The following RELN variants were observed in gnomAD, a reference collection of about 807,000 sequenced individuals.
RELN encodes reelin.
RELN carries 108 observed loss-of-function variants against 427.6 expected under a neutral mutation model. That is an observed-to-expected ratio of 0.25 (90% CI 0.22 to 0.30). The LOEUF (loss-of-function observed/expected upper bound fraction) is 0.30, where lower values mean the gene tolerates loss of function less well. Ranked by LOEUF, RELN falls within the 10% of genes least tolerant of loss-of-function variation. RELN has a pLI of 1.00. For synonymous variants in RELN, 1,524 were observed against 1,513.4 expected (o/e 1.01, Z -0.16); for missense variants, 3,715 against 4,302.8 (o/e 0.86, Z 3.82).
At chr7:103,784,277 C>T (rs1350352209) in intron 3 of RELN, among the ~76,000 whole-genome samples, 1 of 152,068 alleles carries the variant, frequency 6.6e-6, no homozygotes, top group African/African-American at 2.4e-5. Context: ...ACTTTAATTT[C>T]CAGGAATATG....
chr7:103,777,108 AG>A (rs1348287036), intron 3 of RELN, among the ~76,000 whole-genome samples: 5 of 152,204 alleles, frequency 3.3e-5, no homozygotes, highest in African/African-American at 1.2e-4. Context: ...GGCTATTCAA[AG>A]CTTTCATAAT....
At chr7:103,724,966 C>T (rs903391082) in intron 7 of RELN, among the ~76,000 whole-genome samples, 1 of 151,666 alleles carries the variant, frequency 6.6e-6, no homozygotes, top group African/African-American at 2.4e-5. Flanking sequence ...GTTATTAAGC[C>T]TTTATATTTG....
intron 51 of RELN, among the ~76,000 whole-genome samples, chr7:103,507,207 A>T (rs976557596): frequency 6.6e-6 from 1 of 152,230 alleles, no homozygotes; most frequent in Non-Finnish European, 1.5e-5. Flanking sequence ...AGAACTCTCC[A>T]CCTCAAATCA....
intron 2 of RELN, among the ~76,000 whole-genome samples, chr7:103,901,793 G>A (rs1299552699): frequency 1.3e-5 from 2 of 151,994 alleles, no homozygotes; most frequent in Non-Finnish European, 2.9e-5. Context: ...TTTTTCTGTA[G>A]TGTTAAAAAT....
chr7:103,614,619 T>C (rs1584345927), intron 20 of RELN, among the ~76,000 whole-genome samples: 2 of 151,246 alleles, frequency 1.3e-5, no homozygotes, highest in East Asian at 1.9e-4. Context: ...AGTGTCCTTG[T>C]TAAGGTGCTC....
chr7:103,622,681 T>G (rs1385049420), intron 20 of RELN, among the ~76,000 whole-genome samples: 1 of 152,220 alleles, frequency 6.6e-6, no homozygotes, highest in African/African-American at 2.4e-5. Flanking sequence ...TTCATTATTC[T>G]AGACTCTAAT....
intron 2 of RELN, among the ~76,000 whole-genome samples, chr7:103,867,374 C>T (rs1361802539): frequency 7.2e-6 from 1 of 139,090 alleles, no homozygotes; most frequent in African/African-American, 2.6e-5. Context: ...TATTGCCTCA[C>T]TAAAAAAAAA....
At chr7:103,594,629 G>C in intron 25 of RELN, 137 bp from the exon 26 acceptor site, 1 of 867,270 alleles carries the variant, frequency 1.2e-6, no homozygotes, top group South Asian at 1.5e-5. Context: ...AAGCCCGTAA[G>C]TTTGGACATA....
intron 3 of RELN, among the ~76,000 whole-genome samples, chr7:103,779,917 AG>A (rs1207516132): frequency 6.6e-6 from 1 of 152,076 alleles, no homozygotes; most frequent in Non-Finnish European, 1.5e-5. Context: ...TAGTAGTAAC[AG>A]GGTTTCACCA....
chr7:103,969,050 T>C (rs1053832068), intron 1 of RELN, among the ~76,000 whole-genome samples: 2 of 152,136 alleles, frequency 1.3e-5, no homozygotes, highest in African/African-American at 4.8e-5. Context: ...CTCCTAATAA[T>C]GAGTTAATTC....
intron 51 of RELN, among the ~76,000 whole-genome samples, chr7:103,507,614 T>C (rs902914589): frequency 6.6e-6 from 1 of 151,866 alleles, no homozygotes; most frequent in Non-Finnish European, 1.5e-5. Flanking sequence ...AACATCAAAA[T>C]TAAAAGAACT....
intron 2 of RELN, among the ~76,000 whole-genome samples, chr7:103,862,079 T>C (rs1584307488): frequency 1.3e-5 from 2 of 152,124 alleles, no homozygotes; most frequent in African/African-American, 4.8e-5. Flanking sequence ...ACTGTGGTCA[T>C]AACTCCAACC....
chr7:103,636,887 T>C lies in RELN; in HGVS notation c.2070-419A>G, dbSNP rs541741640. 2.6e-5 allele frequency among the ~76,000 whole-genome samples: 4 copies of C among 152,330 alleles called. 1 individual carries two copies. Among genetic ancestry groups the C allele is most frequent in the Admixed American group, 2.6e-4 (4 of 15,296 alleles). ...TTCTAAGAACAAATGTTAAAATACA[T>C]GTTATGTTCGTGATAGGAATTAATT... On this transcript the variant is annotated intron_variant, in intron 17 of 64. Transcript: ENST00000428762.
rs542842803 is a variant in RELN, at chr7:103,966,178, A to G, written c.226+22953T>C. Among the ~76,000 whole-genome samples, 11 of 152,120 alleles carry G rather than the reference A, an allele frequency of 7.2e-5. No homozygotes were observed. In the South Asian group the frequency reaches 2.1e-3, roughly 29 times the overall value. ...AAACACCAAAATGTGAATTATAGAT[A>G]CATTTAAGAAAGATTAATAAAAACA... On this transcript the variant is annotated intron_variant, in intron 1 of 64. Transcript: ENST00000428762.
intron 1 of RELN, among the ~76,000 whole-genome samples, chr7:103,920,799 C>T (rs557150737): frequency 7.4e-4 from 113 of 152,152 alleles, no homozygotes; most frequent in Non-Finnish European, 1.3e-3. Context: ...GTCTTGAACT[C>T]CTGGCCTCAA....
chr7:103,577,726 A>G (rs1488949120), intron 28 of RELN, among the ~76,000 whole-genome samples: 2 of 152,240 alleles, frequency 1.3e-5, no homozygotes, highest in African/African-American at 4.8e-5. Flanking sequence ...GGAAAATGTT[A>G]AGGCCTCTAT....
chr7:103,834,864 T>C lies in RELN; in HGVS notation c.338-1192A>G, dbSNP rs145270607. 6.8e-3 allele frequency among the ~76,000 whole-genome samples: 1,035 copies of C among 152,302 alleles called. 11 individuals are homozygous for C. Among genetic ancestry groups the C allele is most frequent in the African/African-American group, 0.023 (953 of 41,572 alleles). On this transcript the variant is annotated intron_variant, in intron 2 of 64. Transcript: ENST00000428762. ...CATTGCTGGTGGGAATGCAAAATGG[T>C]ACAGCCTCTTTGGAAGACAGTTTGG... is the stretch of plus-strand genomic sequence containing the variant.
intron 11 of RELN, among the ~76,000 whole-genome samples, chr7:103,681,761 A>G (rs566592290): frequency 5.2e-4 from 79 of 152,248 alleles, no homozygotes; most frequent in African/African-American, 1.7e-3. Context: ...TAAATCTCAG[A>G]CCCCAGGAAG....
chr7:103,511,174 T>C (rs532405527), intron 50 of RELN, among the ~76,000 whole-genome samples, 169 bp from the exon 51 acceptor site: 4 of 152,166 alleles, frequency 2.6e-5, no homozygotes, highest in African/African-American at 9.7e-5. Context: ...ACATAAATAC[T>C]AGGAGGATTG....
Sources: allele counts gnomAD v4.1 joint callset (sites outside exome capture counted in the v4.1 genomes callset), GRCh38; gene constraint gnomAD v4.1.1; transcripts MANE v1.5; gene names NCBI Gene and HGNC (gene_info 2026-07-23, HGNC 2026-07-21).